Variants in VWA8 observed in about 807,000 individuals in gnomAD.
VWA8 encodes von Willebrand factor A domain-containing protein 8.
In VWA8, 221 loss-of-function variants were observed where a neutral mutation model predicts 241.5. The observed-to-expected ratio is 0.91, with a 90% CI of 0.82 to 1.02. VWA8 has a LOEUF of 1.02. VWA8 is among the 50% of genes least tolerant of loss of function. The pLI, the probability that VWA8 is intolerant of heterozygous loss-of-function variation, is 0.00. For synonymous variants in VWA8, 852 were observed against 827.1 expected (o/e 1.03, Z -0.52); for missense variants, 2,322 against 2,328.7 (o/e 1.00, Z 0.06).
chr13:41,943,010 C>T (rs1336175169), intron 2 of VWA8, among the ~76,000 whole-genome samples: 1 of 152,188 alleles, frequency 6.6e-6, no homozygotes, highest in Admixed American at 6.5e-5. Context: ...GGCAGCTATA[C>T]AGCAAAGAGA....
At chr13:41,944,945 T>C (rs1877783239) in intron 2 of VWA8, among the ~76,000 whole-genome samples, 1 of 152,324 alleles carries the variant, frequency 6.6e-6, no homozygotes, top group South Asian at 2.1e-4. Context: ...AATGAGATGT[T>C]TGCAGAAGGC....
chr13:41,874,286 G>A (rs1200795143), intron 9 of VWA8, among the ~76,000 whole-genome samples: 1 of 150,676 alleles, frequency 6.6e-6, no homozygotes, highest in Non-Finnish European at 1.5e-5. Context: ...AGACAGGGAT[G>A]CCCTCTCTCA....
At chr13:41,644,796 GTTTTGGGTCTCTA>G (rs1449111010) in intron 37 of VWA8, among the ~76,000 whole-genome samples, 1 of 152,204 alleles carries the variant, frequency 6.6e-6, no homozygotes, top group African/African-American at 2.4e-5. Flanking sequence ...TATAAGGAGT[GTTTTGGGTCTCTA>G]TTTAGAAGTT....
chr13:41,787,798 T>A (rs1221773131), intron 17 of VWA8, among the ~76,000 whole-genome samples: 1 of 152,172 alleles, frequency 6.6e-6, no homozygotes, highest in Admixed American at 6.5e-5. Flanking sequence ...CAGTACTGAT[T>A]TATGTACAAC....
chr13:41,608,182 GT>G (rs1018769296), intron 39 of VWA8, among the ~76,000 whole-genome samples: 2 of 152,116 alleles, frequency 1.3e-5, no homozygotes, highest in Non-Finnish European at 2.9e-5. Context: ...GTGCGATCAT[GT>G]TGCACCCAAA....
At chr13:41,826,096 G>C (rs1305153911) in intron 14 of VWA8, among the ~76,000 whole-genome samples, 1 of 152,020 alleles carries the variant, frequency 6.6e-6, no homozygotes, top group Non-Finnish European at 1.5e-5. Context: ...TTTATTTTCA[G>C]AAAGACAAAA....
chr13:41,768,745 G>T (rs1191093831), intron 20 of VWA8, among the ~76,000 whole-genome samples: 2 of 152,066 alleles, frequency 1.3e-5, no homozygotes, highest in East Asian at 3.8e-4. Context: ...TGAATAAAAG[G>T]TTTATATTCA....
At chr13:41,595,610 T>C (rs996512741) in intron 40 of VWA8, among the ~76,000 whole-genome samples, 3 of 152,192 alleles carry the variant, frequency 2.0e-5, no homozygotes, top group Non-Finnish European at 2.9e-5. Flanking sequence ...TATGAAATCA[T>C]ACAATATATA....
At chr13:41,909,856 T>A (rs1366145854) in intron 3 of VWA8, among the ~76,000 whole-genome samples, 1 of 152,208 alleles carries the variant, frequency 6.6e-6, no homozygotes, top group African/African-American at 2.4e-5. Context: ...AGTCCTTTTA[T>A]ATAAGTATAA....
At chr13:41,711,089 C>G (rs2045313030) in intron 26 of VWA8, among the ~76,000 whole-genome samples, 1 of 152,200 alleles carries the variant, frequency 6.6e-6, no homozygotes, top group Non-Finnish European at 1.5e-5. Flanking sequence ...GTAACACACA[C>G]TGCAGTACAC....
intron 17 of VWA8, among the ~76,000 whole-genome samples, chr13:41,798,915 C>T (rs1167789524): frequency 6.6e-6 from 1 of 152,108 alleles, no homozygotes; most frequent in Non-Finnish European, 1.5e-5. Context: ...TAATTAAGTG[C>T]TTATTGAATT....
intron 18 of VWA8, among the ~76,000 whole-genome samples, chr13:41,784,749 T>A (rs1566456442): frequency 9.2e-6 from 1 of 108,128 alleles, no homozygotes; most frequent in Non-Finnish European, 2.0e-5. Context: ...TATATATATA[T>A]ATATATATAT....
intron 37 of VWA8, among the ~76,000 whole-genome samples, chr13:41,637,973 C>T (rs1323657550): frequency 6.6e-6 from 1 of 152,168 alleles, no homozygotes; most frequent in African/African-American, 2.4e-5. Context: ...ATCTATGAAA[C>T]CTCACACAAG....
At position 41,807,642 on chromosome 13, in the gene VWA8, C is replaced by G. The variant is rs181949619; in HGVS notation, c.2063+3583G>C. On this transcript the variant is annotated intron_variant, in intron 17 of 44. Coordinates refer to ENST00000379310, the MANE Select transcript of VWA8 (RefSeq NM_015058.2). ...AAAGAATTTTATAAAATTCAACATC[C>G]CTTCATGATGAAAACCCTCCAAATG... The G allele has an allele frequency of 3.3e-5, 5 of 152,296 alleles. No individual in the cohort carries two copies. In the East Asian group the frequency reaches 5.8e-4, roughly 18 times the overall value. The allele number at this position is 152,296 out of a possible 1,614,324, so 9.4% of individuals were successfully genotyped here.
At chr13:41,619,025 C>T (rs1593653904) in intron 37 of VWA8, among the ~76,000 whole-genome samples, 1 of 152,110 alleles carries the variant, frequency 6.6e-6, no homozygotes, top group African/African-American at 2.4e-5. Context: ...TCATTGGTCG[C>T]TTGATGGGGA....
At chr13:41,855,134 G>T (rs1872687561) in intron 12 of VWA8, among the ~76,000 whole-genome samples, 1 of 151,736 alleles carries the variant, frequency 6.6e-6, no homozygotes, top group Admixed American at 6.6e-5. Context: ...AATCAGTATT[G>T]TAAGGATGGA....
chr13:41,922,133 A>T (rs1876571529), intron 2 of VWA8, among the ~76,000 whole-genome samples: 1 of 152,196 alleles, frequency 6.6e-6, no homozygotes. Flanking sequence ...AATACCACAC[A>T]TCTACAACCA....
At chr13:41,882,666 T>A (rs1874300335) in intron 9 of VWA8, among the ~76,000 whole-genome samples, 1 of 152,160 alleles carries the variant, frequency 6.6e-6, no homozygotes, top group Non-Finnish European at 1.5e-5. Flanking sequence ...CAGTCAGGCG[T>A]GGCGTCGCGC....
intron 2 of VWA8, among the ~76,000 whole-genome samples, chr13:41,941,074 G>A (rs1193360025): frequency 6.6e-6 from 1 of 152,158 alleles, no homozygotes; most frequent in Non-Finnish European, 1.5e-5. Flanking sequence ...ATGTAAACAA[G>A]AAAATGTGGT....
Sources: allele counts gnomAD v4.1 joint callset (sites outside exome capture counted in the v4.1 genomes callset), GRCh38; gene constraint gnomAD v4.1.1; transcripts MANE v1.5; gene names NCBI Gene and HGNC (gene_info 2026-07-23, HGNC 2026-07-21).